Variants in EYS observed in about 807,000 individuals in gnomAD.
EYS encodes the protein EGF-like photoreceptor maintenance factor, also known as protein eyes shut homolog.
Under a neutral mutation model 282.1 loss-of-function variants are expected in EYS, and 250 were observed. The observed-to-expected ratio is 0.89, with a 90% CI of 0.80 to 0.98. The LOEUF (loss-of-function observed/expected upper bound fraction) is 0.98. EYS is among the 50% of genes least tolerant of loss of function. The pLI is 0.00. For missense variants in EYS, 4,016 were observed against 3,709.0 expected (o/e 1.08, Z -2.15); for synonymous variants, 1,355 against 1,282.9 (o/e 1.06, Z -1.20).
intron 12 of EYS, among the ~76,000 whole-genome samples, chr6:65,175,451 T>C (rs554018917): frequency 1.7e-4 from 25 of 151,394 alleles, no homozygotes; most frequent in African/African-American, 4.8e-4. Flanking sequence ...AAGCATATCA[T>C]TTGAGTGGTA....
chr6:64,034,944 G>T (rs1770039406), intron 33 of EYS, among the ~76,000 whole-genome samples: 1 of 152,120 alleles, frequency 6.6e-6, no homozygotes, highest in Non-Finnish European at 1.5e-5. Context: ...AAGGAATAAG[G>T]CATCTGCTTT....
chr6:64,596,015 A>T (rs1766573496), intron 24 of EYS, among the ~76,000 whole-genome samples: 1 of 152,144 alleles, frequency 6.6e-6, no homozygotes, highest in Non-Finnish European at 1.5e-5. Context: ...GTCATAACAG[A>T]AGACGAAGAG....
intron 41 of EYS, among the ~76,000 whole-genome samples, chr6:63,737,110 A>G (rs1163370524): frequency 1.3e-5 from 2 of 150,706 alleles, no homozygotes; most frequent in Non-Finnish European, 1.5e-5. Context: ...CCTGGCCAGA[A>G]CTTCCAACAC....
chr6:65,445,489 T>A (rs1444142941), intron 5 of EYS, among the ~76,000 whole-genome samples: 2 of 151,872 alleles, frequency 1.3e-5, no homozygotes, highest in African/African-American at 4.8e-5. Context: ...CTAATTTATA[T>A]TTTAACTTGT....
intron 35 of EYS, among the ~76,000 whole-genome samples, chr6:63,936,075 A>G (rs972250113): frequency 5.3e-5 from 8 of 152,072 alleles, no homozygotes; most frequent in African/African-American, 1.9e-4. Context: ...ATATTGTGAT[A>G]TTTGTTTTAC....
At chr6:65,327,957 A>AC (rs1174384025) in intron 11 of EYS, among the ~76,000 whole-genome samples, 1 of 151,570 alleles carries the variant, frequency 6.6e-6, no homozygotes, top group Non-Finnish European at 1.5e-5. Flanking sequence ...AACATAAAAA[A>AC]TTTATTCCTG....
chr6:64,714,048 G>A (rs565705644), intron 22 of EYS, among the ~76,000 whole-genome samples: 4 of 152,206 alleles, frequency 2.6e-5, no homozygotes, highest in Admixed American at 2.6e-4. Flanking sequence ...AGCTAAATAT[G>A]TTGGTATTTT....
chr6:65,174,844 CAT>C (rs1308880289), intron 12 of EYS, among the ~76,000 whole-genome samples: 2 of 151,240 alleles, frequency 1.3e-5, no homozygotes, highest in Non-Finnish European at 3.0e-5. Flanking sequence ...ACATTTAACT[CAT>C]ATTGCAACTA....
intron 31 of EYS, among the ~76,000 whole-genome samples, chr6:64,210,033 GC>G (rs749107485): frequency 5.3e-5 from 8 of 151,976 alleles, no homozygotes; most frequent in Non-Finnish European, 1.2e-4. Flanking sequence ...CGCATGTAAC[GC>G]TAAATTTTGG....
intron 29 of EYS, chr6:64,379,556 T>C (rs769870914): frequency 6.6e-6 from 1 of 152,314 alleles, no homozygotes; most frequent in Admixed American, 6.5e-5. Flanking sequence ...TGTGTTATTA[T>C]ATGGTTTTGT....
At chr6:65,282,600 T>G (rs1252762929) in intron 12 of EYS, among the ~76,000 whole-genome samples, 1 of 152,008 alleles carries the variant, frequency 6.6e-6, no homozygotes, top group African/African-American at 2.4e-5. Context: ...TTGGAAAATA[T>G]AGCCAATTTT....
At chr6:64,329,036 C>T (rs1046707054) in intron 29 of EYS, among the ~76,000 whole-genome samples, 4 of 152,110 alleles carry the variant, frequency 2.6e-5, no homozygotes, top group African/African-American at 7.2e-5. Flanking sequence ...TGGATTTAAT[C>T]GGACTGGCAG....
intron 8 of EYS, among the ~76,000 whole-genome samples, chr6:65,379,151 G>A (rs1033871613): frequency 6.6e-6 from 1 of 152,076 alleles, no homozygotes; most frequent in African/African-American, 2.4e-5. Flanking sequence ...AAACCTGGAA[G>A]AGACACAATG....
At chr6:65,113,597 A>G (rs1775282683) in intron 12 of EYS, among the ~76,000 whole-genome samples, 1 of 151,990 alleles carries the variant, frequency 6.6e-6, no homozygotes, top group African/African-American at 2.4e-5. Flanking sequence ...ACAAGAATAT[A>G]TTTACTTGGA....
chr6:64,653,256 A>G (rs565706162), intron 22 of EYS, among the ~76,000 whole-genome samples: 2 of 152,260 alleles, frequency 1.3e-5, no homozygotes, highest in Non-Finnish European at 2.9e-5. Context: ...CCCAGCAAAA[A>G]ATCAACCCTG....
intron 33 of EYS, among the ~76,000 whole-genome samples, chr6:64,002,067 G>A (rs571162606): frequency 6.6e-6 from 1 of 152,332 alleles, no homozygotes; most frequent in East Asian, 1.9e-4. Flanking sequence ...GGCACACACA[G>A]AATCAGCTGA....
intron 22 of EYS, among the ~76,000 whole-genome samples, chr6:64,704,956 T>C (rs563865445): frequency 3.9e-5 from 6 of 152,028 alleles, no homozygotes; most frequent in African/African-American, 1.2e-4. Context: ...CTATTCAACA[T>C]AGTACTGGAA....
chr6:64,816,221 G>C (rs1006782064), intron 21 of EYS, among the ~76,000 whole-genome samples: 3 of 152,042 alleles, frequency 2.0e-5, no homozygotes, highest in Non-Finnish European at 4.4e-5. Context: ...CCTCTGCAAA[G>C]GCCTATTAAC....
chr6:63,930,538 C>T (rs979620291), intron 35 of EYS, among the ~76,000 whole-genome samples: 1 of 152,100 alleles, frequency 6.6e-6, no homozygotes, highest in African/African-American at 2.4e-5. Flanking sequence ...CCTAAAACAA[C>T]AAATAGATTG....
Sources: gnomAD v4.1 joint callset for allele counts (sites outside exome capture counted in the v4.1 genomes callset) on GRCh38, gnomAD v4.1.1 for gene constraint, MANE v1.5 for transcripts, NCBI Gene and HGNC (gene_info 2026-07-23, HGNC 2026-07-21) for gene names.